Variants in PDE1C observed in about 807,000 individuals in gnomAD.
PDE1C encodes the protein phosphodiesterase 1C.
In PDE1C, 62 loss-of-function variants were observed where a neutral mutation model predicts 93.1. That is an observed-to-expected ratio of 0.67 (90% CI 0.54 to 0.82). PDE1C has a LOEUF of 0.82. PDE1C is among the 40% of genes least tolerant of loss of function. The pLI is 0.00. For missense variants in PDE1C, 742 were observed against 884.6 expected, an observed-to-expected ratio of 0.84 and a Z score of 2.04; for synonymous variants, 325 against 310.1, an observed-to-expected ratio of 1.05 and a Z score of -0.50.
chr7:31,656,840 A>T, the PDE1C span, among the ~76,000 whole-genome samples: 2 of 151,804 alleles, frequency 1.3e-5, no homozygotes, highest in Non-Finnish European at 2.9e-5. Context: ...TACTCTCCTA[A>T]TTCTCCAAAA....
intron 2 of PDE1C, among the ~76,000 whole-genome samples, chr7:31,966,344 G>T (rs1200188694): frequency 6.6e-6 from 1 of 152,096 alleles, no homozygotes; most frequent in East Asian, 1.9e-4. Context: ...AACCAACAAA[G>T]ATCAAAAGAG....
chr7:32,072,662 T>C (rs1796132577), upstream of PDE1C, among the ~76,000 whole-genome samples: 1 of 152,198 alleles, frequency 6.6e-6, no homozygotes, highest in African/African-American at 2.4e-5. Context: ...AGCCCAAGCA[T>C]TGTTCTAAGT....
chr7:32,414,324 C>T (rs965410009), intron 1 of PDE1C, among the ~76,000 whole-genome samples: 1 of 151,612 alleles, frequency 6.6e-6, no homozygotes, highest in Non-Finnish European at 1.5e-5. Context: ...ATATTTATAT[C>T]AAAAAATGCC....
chr7:32,005,099 T>G (rs1040158971), intron 2 of PDE1C, among the ~76,000 whole-genome samples: 1 of 152,160 alleles, frequency 6.6e-6, no homozygotes, highest in Non-Finnish European at 1.5e-5. Flanking sequence ...TAGCACTTTA[T>G]TGGTTATAGA....
chr7:31,759,505 G>T (rs1207619465), intron 17 of PDE1C, among the ~76,000 whole-genome samples: 4 of 152,166 alleles, frequency 2.6e-5, no homozygotes, highest in African/African-American at 4.8e-5. Flanking sequence ...TCCCCTTGGG[G>T]ATACTTTAAA....
chr7:31,903,060 T>C (rs1163118456), intron 2 of PDE1C, among the ~76,000 whole-genome samples: 1 of 151,816 alleles, frequency 6.6e-6, no homozygotes, highest in Non-Finnish European at 1.5e-5. Flanking sequence ...TGCTAACTTA[T>C]GGTAAGGCAA....
intron 3 of PDE1C, among the ~76,000 whole-genome samples, chr7:32,081,147 C>A (rs892212437): frequency 6.6e-6 from 1 of 152,208 alleles, no homozygotes; most frequent in Non-Finnish European, 1.5e-5. Flanking sequence ...TCCCTGCTGC[C>A]TTAGCTAAAT....
chr7:31,670,707 T>A, the PDE1C span, among the ~76,000 whole-genome samples: 1 of 152,134 alleles, frequency 6.6e-6, no homozygotes, highest in African/African-American at 2.4e-5. Flanking sequence ...AGCAGGTTCC[T>A]GGCAAGGTCC....
chr7:32,331,704 A>G (rs1783519032), intron 1 of PDE1C, among the ~76,000 whole-genome samples: 1 of 152,184 alleles, frequency 6.6e-6, no homozygotes, highest in Non-Finnish European at 1.5e-5. Context: ...TGGACATAGA[A>G]TCAACAGGAC....
chr7:31,801,592 AAG>A (rs1256186357), intron 16 of PDE1C, among the ~76,000 whole-genome samples: 1 of 151,478 alleles, frequency 6.6e-6, no homozygotes, highest in Non-Finnish European at 1.5e-5. Flanking sequence ...ATTATTGAGA[AAG>A]AGATAATAAT....
At chr7:32,028,575 G>A (rs1273669123) in intron 2 of PDE1C, among the ~76,000 whole-genome samples, 1 of 151,402 alleles carries the variant, frequency 6.6e-6, no homozygotes, top group East Asian at 1.9e-4. Context: ...ATTACATATT[G>A]ACTATTTGTA....
the PDE1C span, among the ~76,000 whole-genome samples, chr7:31,628,448 C>CTT: frequency 0.019 from 2,658 of 143,258 alleles, 90 homozygotes; most frequent in African/African-American, 0.066. Context: ...AGCGTGATTC[C>CTT]TTTTTTTTTT....
At chr7:32,113,194 G>A (rs1226480614) in intron 3 of PDE1C, among the ~76,000 whole-genome samples, 8 of 134,630 alleles carry the variant, frequency 5.9e-5, no homozygotes, top group South Asian at 2.3e-4. Context: ...AGTTCCACCC[G>A]AGGGAAGAGT....
In PDE1C at chr7:32,343,085, G is replaced by A. The variant is rs963875066; in HGVS notation, c.310+84737C>T. On this transcript the variant is annotated intron_variant, in intron 1 of 1. Coordinates refer to the PDE1C transcript ENST00000672256. ...CAGTTGCTATTCAGCAGCTAGAATC[G>A]GCCACCAGAGGCTGCCAACAAGGAC... is the stretch of plus-strand genomic sequence containing the variant. Among the ~76,000 whole-genome samples, 5 of 152,136 alleles carry A rather than the reference G, an allele frequency of 3.3e-5. No individual in the cohort carries two copies. The East Asian group carries it at 5.8e-4, about 18-fold the overall frequency.
intron 16 of PDE1C, among the ~76,000 whole-genome samples, chr7:31,797,013 T>C (rs1405619202): frequency 2.6e-5 from 4 of 151,744 alleles, no homozygotes; most frequent in Non-Finnish European, 5.9e-5. Context: ...AGAGTTTAGA[T>C]ACTTGTCAAA....
At chr7:31,838,078 A>G in intron 9 of PDE1C, 107 bp from the exon 10 acceptor site, 1 of 734,016 alleles carries the variant, frequency 1.4e-6, no homozygotes, top group Non-Finnish European at 2.4e-6. Flanking sequence ...ACGATTTCTG[A>G]CATTTCTAAT....
chr7:31,981,828 T>C (rs1401612357), intron 2 of PDE1C, among the ~76,000 whole-genome samples: 1 of 152,238 alleles, frequency 6.6e-6, no homozygotes. Context: ...TTTAGAAAGC[T>C]TTATAACTGA....
intron 1 of PDE1C, among the ~76,000 whole-genome samples, chr7:32,364,994 G>A (rs749511576): frequency 8.5e-5 from 13 of 152,210 alleles, no homozygotes; most frequent in Non-Finnish European, 1.6e-4. Context: ...TCCTCAAGTG[G>A]GAGAGGCCTT....
At chr7:31,819,949 CAAAG>C (rs1788754121) in intron 14 of PDE1C, among the ~76,000 whole-genome samples, 1 of 151,956 alleles carries the variant, frequency 6.6e-6, no homozygotes, top group Non-Finnish European at 1.5e-5. Flanking sequence ...TATACAAGAA[CAAAG>C]AAAGGTGCTT....
Sources: allele counts gnomAD v4.1 joint callset (sites outside exome capture counted in the v4.1 genomes callset), GRCh38; gene constraint gnomAD v4.1.1; transcripts MANE v1.5; gene names NCBI Gene and HGNC (gene_info 2026-07-23, HGNC 2026-07-21).